Variants in ARMC1 observed in about 807,000 individuals in gnomAD.
The protein encoded by ARMC1 is armadillo repeat containing 1, also known as armadillo repeat-containing protein 1.
A neutral mutation model predicts 31.4 loss-of-function variants in ARMC1; 16 were observed. That is an observed-to-expected ratio of 0.51 (90% CI 0.34 to 0.77). The LOEUF is 0.77. Ranked by LOEUF, ARMC1 falls within the 30% of genes least tolerant of loss-of-function variation. ARMC1 has a pLI of 0.01. For missense variants in ARMC1, 259 were observed against 347.5 expected (o/e 0.75, Z 2.02); for synonymous variants, 114 against 118.9 (o/e 0.96, Z 0.27).
chr8:65,605,991 C>T lies in ARMC1; in HGVS notation c.466-453G>A, dbSNP rs571299343. On this transcript the variant is annotated intron_variant, in intron 4 of 6. Coordinates refer to ENST00000276569, the MANE Select transcript of ARMC1 (RefSeq NM_018120.6). Reference sequence around the variant, plus strand: ...AACATATTATCTGAGGCTAGTTTCACGCTAAGGCAGAGTTAGTAGTTATGA... The same window carrying T: ...AACATATTATCTGAGGCTAGTTTCATGCTAAGGCAGAGTTAGTAGTTATGA... Among the ~76,000 whole-genome samples, 4 of 152,242 alleles carry T rather than the reference C, an allele frequency of 2.6e-5. No individual in the cohort carries two copies. The South Asian group carries it at 8.3e-4, about 32-fold the overall frequency.
intron 2 of ARMC1, 120 bp downstream of exon 2, chr8:65,627,095 TA>T: frequency 1.1e-6 from 1 of 874,730 alleles, no homozygotes; most frequent in Non-Finnish European, 1.8e-6. Flanking sequence ...TGTACCTACA[TA>T]AATACAAACA....
At chr8:65,630,893 G>A (rs1808629639) in intron 1 of ARMC1, among the ~76,000 whole-genome samples, 1 of 152,072 alleles carries the variant, frequency 6.6e-6, no homozygotes, top group Non-Finnish European at 1.5e-5. Flanking sequence ...ATCAGCATCT[G>A]CACAGGATCC....
chr8:65,633,215 G>A (rs2129044925), intron 1 of ARMC1, among the ~76,000 whole-genome samples: 1 of 152,320 alleles, frequency 6.6e-6, no homozygotes, highest in East Asian at 1.9e-4. Flanking sequence ...ATTCTCACAT[G>A]CCAAGAGATG....
chr8:65,616,464 G>C (rs1342062483), intron 3 of ARMC1, among the ~76,000 whole-genome samples: 3 of 152,240 alleles, frequency 2.0e-5, no homozygotes, highest in Non-Finnish European at 2.9e-5. Context: ...GAGTGCAGTG[G>C]CGTAATCTCG....
intron 1 of ARMC1, chr8:65,632,912 G>A (rs370380585): frequency 6.6e-6 from 1 of 152,208 alleles, no homozygotes; most frequent in Admixed American, 6.5e-5. Context: ...ACTTTCTCTT[G>A]TTTAGTTCAA....
chr8:65,606,376 G>C (rs369355841), intron 4 of ARMC1, among the ~76,000 whole-genome samples: 3 of 137,474 alleles, frequency 2.2e-5, no homozygotes, highest in Non-Finnish European at 4.8e-5. Flanking sequence ...AAAAAAAAAA[G>C]AAAAGAAAAG....
intron 3 of ARMC1, among the ~76,000 whole-genome samples, chr8:65,618,062 C>T (rs1014214446): frequency 3.3e-5 from 5 of 151,624 alleles, no homozygotes; most frequent in Non-Finnish European, 5.9e-5. Flanking sequence ...ATTACAGGTA[C>T]GTACCACCAT....
At chr8:65,605,701 T>C (rs1175150210) in intron 4 of ARMC1, among the ~76,000 whole-genome samples, 163 bp from the exon 5 acceptor site, 1 of 152,248 alleles carries the variant, frequency 6.6e-6, no homozygotes, top group African/African-American at 2.4e-5. Flanking sequence ...GTCAAATTTT[T>C]TAAATTTTAC....
intron 2 of ARMC1, 127 bp downstream of exon 2, chr8:65,627,089 C>A: frequency 2.6e-6 from 2 of 776,240 alleles, no homozygotes; most frequent in South Asian, 1.9e-5. Flanking sequence ...TATGTTTGTA[C>A]CTACATAAAT....
intron 2 of ARMC1, among the ~76,000 whole-genome samples, chr8:65,623,213 C>T (rs1585716652): frequency 7.2e-6 from 1 of 139,060 alleles, no homozygotes; most frequent in South Asian, 2.3e-4. Flanking sequence ...GAGGCTGAGG[C>T]AGGAGAATTG....
chr8:65,618,850 T>A (rs926698121), intron 3 of ARMC1, among the ~76,000 whole-genome samples: 41 of 151,882 alleles, frequency 2.7e-4, no homozygotes, highest in African/African-American at 8.9e-4. Flanking sequence ...GAGACCATCC[T>A]GACTAATGCA....
At chr8:65,607,944 C>T (rs931791064) in intron 4 of ARMC1, among the ~76,000 whole-genome samples, 1 of 152,082 alleles carries the variant, frequency 6.6e-6, no homozygotes, top group African/African-American at 2.4e-5. Flanking sequence ...AAAAATACCC[C>T]TGCACTCTTC....
chr8:65,622,361 CAGA>C lies in ARMC1; in HGVS notation c.184-10_184-8del, dbSNP rs751883108. 2.2e-5 allele frequency: 36 copies of C among 1,611,192 alleles called. No individual in the cohort carries two copies. The highest frequency in any genetic ancestry group is 2.0e-4 in the South Asian group (18 of 90,790). ...CTGCCAAGTATCGAAGAGCCTACAG[CAGA>C]AGAAGTAATAAGTTAATTCGTCTGT... is the stretch of plus-strand genomic sequence containing the variant. On this transcript the variant is annotated splice_polypyrimidine_tract_variant and splice_region_variant and intron_variant, in intron 2 of 6. Coordinates refer to ENST00000276569, the MANE Select transcript of ARMC1 (RefSeq NM_018120.6).
At chr8:65,606,127 C>T (rs1411124870) in intron 4 of ARMC1, among the ~76,000 whole-genome samples, 1 of 152,148 alleles carries the variant, frequency 6.6e-6, no homozygotes, top group Non-Finnish European at 1.5e-5. Flanking sequence ...CTTTGGGAGG[C>T]TGAGGCGGGT....
At chr8:65,606,954 C>T (rs1431876126) in intron 4 of ARMC1, among the ~76,000 whole-genome samples, 1 of 152,242 alleles carries the variant, frequency 6.6e-6, no homozygotes, top group Non-Finnish European at 1.5e-5. Flanking sequence ...CCAAATCACA[C>T]TCTCTACATT....
At position 65,620,216 on chromosome 8, in the gene ARMC1, C is replaced by T. The variant is rs146346320; in HGVS notation, c.275+2047G>A. ...ATGATGGAAATAGTGTCACTAGCCACATGACTAAACACTTGGAATATGGCA... is the reference window on the plus strand; with the variant it reads ...ATGATGGAAATAGTGTCACTAGCCATATGACTAAACACTTGGAATATGGCA... On this transcript the variant is annotated intron_variant, in intron 3 of 6. Transcript: ENST00000276569. 4.6e-3 allele frequency among the ~76,000 whole-genome samples: 692 copies of T among 150,294 alleles called. 5 individuals carry two copies. The highest frequency in any genetic ancestry group is 0.016 in the African/African-American group (675 of 40,950).
At chr8:65,604,698 T>C in intron 6 of ARMC1, 113 bp from the exon 7 acceptor site, 2 of 811,010 alleles carry the variant, frequency 2.5e-6, no homozygotes, top group Non-Finnish European at 3.9e-6. Context: ...GCCCAATTGC[T>C]GAGCACTGTG....
chr8:65,624,392 G>T (rs964399308), intron 2 of ARMC1, among the ~76,000 whole-genome samples: 1 of 148,892 alleles, frequency 6.7e-6, no homozygotes, highest in Admixed American at 6.9e-5. Flanking sequence ...TCAGCTGCTA[G>T]GGAGGCTGAG....
intron 4 of ARMC1, among the ~76,000 whole-genome samples, chr8:65,608,346 G>A (rs1808047331): frequency 6.6e-6 from 1 of 152,146 alleles, no homozygotes; most frequent in Non-Finnish European, 1.5e-5. Context: ...GGCCAACATG[G>A]CAAAACCCTG....
Sources: gnomAD v4.1 joint callset for allele counts (sites outside exome capture counted in the v4.1 genomes callset) on GRCh38, gnomAD v4.1.1 for gene constraint, MANE v1.5 for transcripts, NCBI Gene and HGNC (gene_info 2026-07-23, HGNC 2026-07-21) for gene names.